Variants in BRI3 observed in about 807,000 individuals in gnomAD.
BRI3 encodes membrane protein BRI3.
A neutral mutation model predicts 12.8 loss-of-function variants in BRI3; 6 were observed. That is an observed-to-expected ratio of 0.47 (90% CI 0.26 to 0.93). The LOEUF (loss-of-function observed/expected upper bound fraction) is 0.93. Among genes scored for constraint, BRI3 ranks in the 40% least tolerant of loss-of-function variants. The pLI, the probability that BRI3 is intolerant of heterozygous loss-of-function variation, is 0.15. For missense variants in BRI3, 134 were observed against 171.1 expected (o/e 0.78, Z 1.21); for synonymous variants, 91 against 76.1 (o/e 1.20, Z -1.02).
At chr7:98,288,788 A>AGGTTGGAGGGGG (rs11275179) in intron 2 of BRI3, among the ~76,000 whole-genome samples, 59,473 of 150,474 alleles carry the variant, frequency 0.4, 12,893 homozygotes, top group Middle Eastern at 0.52. Flanking sequence ...TTTTGTAGGG[A>AGGTTGGAGGGGG]GGGGTCTTTG....
chr7:98,316,905 C>T, the BRI3 span, among the ~76,000 whole-genome samples: 7 of 151,950 alleles, frequency 4.6e-5, no homozygotes, highest in South Asian at 8.3e-4. Flanking sequence ...ATTCTGTCAC[C>T]CAGGCTGGAG....
At chr7:98,287,534 G>C (rs1420967977) in intron 2 of BRI3, among the ~76,000 whole-genome samples, 1 of 152,190 alleles carries the variant, frequency 6.6e-6, no homozygotes, top group African/African-American at 2.4e-5. Context: ...GAAGAGAGGC[G>C]CCGGGGCCTG....
the BRI3 span, among the ~76,000 whole-genome samples, chr7:98,315,852 A>G: frequency 6.6e-6 from 1 of 152,142 alleles, no homozygotes; most frequent in African/African-American, 2.4e-5. Flanking sequence ...CCACGGGGCA[A>G]TTTGCACAAA....
chr7:98,283,705 C>G (rs969267362), intron 2 of BRI3, among the ~76,000 whole-genome samples: 3 of 152,194 alleles, frequency 2.0e-5, no homozygotes, highest in Admixed American at 1.3e-4. Flanking sequence ...CCCTGCCATC[C>G]CGGTGTCCAG....
upstream of BRI3, among the ~76,000 whole-genome samples, chr7:98,306,284 C>A (rs1800653083): frequency 6.6e-6 from 1 of 152,124 alleles, no homozygotes; most frequent in South Asian, 2.1e-4. Flanking sequence ...GAAATCACGG[C>A]AGACAGCACT....
At chr7:98,305,323 A>T (rs1800614097), upstream of BRI3, among the ~76,000 whole-genome samples, 1 of 24,610 alleles carries the variant, frequency 4.1e-5, no homozygotes, top group Non-Finnish European at 1.4e-4. Context: ...CTAAGAGTTA[A>T]AAAAAAAAAA....
chr7:98,282,558 C>G, intron 2 of BRI3, 105 bp downstream of exon 2: 1 of 927,518 alleles, frequency 1.1e-6, no homozygotes. Flanking sequence ...TCCGGCTTGA[C>G]TTGGATCTTG....
At chr7:98,322,351 C>T in the BRI3 span, among the ~76,000 whole-genome samples, 32 of 152,164 alleles carry the variant, frequency 2.1e-4, no homozygotes, top group Non-Finnish European at 3.4e-4. Context: ...ACCACGCAGA[C>T]GTCCCATTGG....
chr7:98,313,305 A>C (rs1208578267), downstream of BRI3, among the ~76,000 whole-genome samples: 1 of 152,096 alleles, frequency 6.6e-6, no homozygotes, highest in Non-Finnish European at 1.5e-5. Flanking sequence ...CAGCATAGAA[A>C]CGAGCAGATT....
intron 1 of BRI3, 133 bp from the exon 2 acceptor site, chr7:98,282,218 G>A: frequency 1.1e-6 from 1 of 879,674 alleles, no homozygotes; most frequent in Non-Finnish European, 1.7e-6. Context: ...CAGGCCCGCG[G>A]TGGCCGTCCC....
At chr7:98,299,971 G>A (rs1484505935) in intron 1 of BRI3, among the ~76,000 whole-genome samples, 1 of 152,222 alleles carries the variant, frequency 6.6e-6, no homozygotes, top group Admixed American at 6.5e-5. Flanking sequence ...AGCCCGGGAA[G>A]TGGAGGTTGC....
chr7:98,312,017 CCCA>C, downstream of BRI3: 1 of 1,406,706 alleles, frequency 7.1e-7, no homozygotes, highest in Non-Finnish European at 9.6e-7. Context: ...ACCTGTGATT[CCCA>C]CCAACACAGG....
chr7:98,308,408 T>C (rs1800746133), exon 2 of BRI3: 1 of 400,800 alleles, frequency 2.5e-6, no homozygotes, highest in Admixed American at 2.8e-5. Context: ...TGAGGATGAG[T>C]TCCATTTACA....
At chr7:98,282,672 G>A in intron 2 of BRI3, 1 of 537,244 alleles carries the variant, frequency 1.9e-6, no homozygotes, top group South Asian at 2.4e-5. Context: ...GGGGGCAAAA[G>A]GGTGGATTCC....
At chr7:98,301,475 G>GTATA (rs60741017) in intron 1 of BRI3, among the ~76,000 whole-genome samples, 4,221 of 142,192 alleles carry the variant, frequency 0.03, 179 homozygotes, top group African/African-American at 0.097. Flanking sequence ...TTTTTTTTTG[G>GTATA]TATATATATA....
At chr7:98,287,591 C>G (rs10267597) in intron 2 of BRI3, among the ~76,000 whole-genome samples, 1 of 152,082 alleles carries the variant, frequency 6.6e-6, no homozygotes, top group Non-Finnish European at 1.5e-5. Context: ...TCAGGTGGGC[C>G]GGCGCCCTGG....
At chr7:98,293,049 GC>G (rs1414927378), downstream of BRI3, 1 of 873,524 alleles carries the variant, frequency 1.1e-6, no homozygotes, top group Admixed American at 5.1e-5. Context: ...AATTTATATT[GC>G]TTAAAATTAT....
downstream of BRI3, chr7:98,312,348 AAC>A (rs1322753425): frequency 7.0e-7 from 1 of 1,422,812 alleles, no homozygotes; most frequent in African/African-American, 1.4e-5. Context: ...TATCGCTGAT[AAC>A]AGATTACTGG....
the BRI3 span, among the ~76,000 whole-genome samples, chr7:98,318,384 G>A: frequency 6.6e-6 from 1 of 151,868 alleles, no homozygotes; most frequent in Non-Finnish European, 1.5e-5. Flanking sequence ...TGCCTCCCGG[G>A]TTCAAGTGAT....
Sources: gnomAD v4.1 joint callset for allele counts (sites outside exome capture counted in the v4.1 genomes callset) on GRCh38, gnomAD v4.1.1 for gene constraint, MANE v1.5 for transcripts, NCBI Gene and HGNC (gene_info 2026-07-23, HGNC 2026-07-21) for gene names.